PTPRD: variants seen among roughly 807,000 people sequenced by gnomAD.
PTPRD encodes protein tyrosine phosphatase receptor type D, also known as receptor-type tyrosine-protein phosphatase delta.
Under a neutral mutation model 214.5 loss-of-function variants are expected in PTPRD, and 34 were observed. The ratio of observed to expected loss-of-function variants is 0.16; its 90% CI spans 0.12 to 0.21. The LOEUF (loss-of-function observed/expected upper bound fraction) is 0.21, where lower values mean the gene tolerates loss of function less well. Among genes scored for constraint, PTPRD ranks in the 10% least tolerant of loss-of-function variants. The pLI is 1.00. For synonymous variants in PTPRD, 1,128 were observed against 845.7 expected (o/e 1.33, Z -5.79); for missense variants, 2,545 against 2,398.7 (o/e 1.06, Z -1.27).
At chr9:10,301,438 A>G (rs2095859256) in intron 3 of PTPRD, among the ~76,000 whole-genome samples, 1 of 152,224 alleles carries the variant, frequency 6.6e-6, no homozygotes, top group African/African-American at 2.4e-5. Flanking sequence ...TGACAGAAGT[A>G]AGCCTCAGAA....
At chr9:10,241,108 C>A (rs1190448779) in intron 3 of PTPRD, among the ~76,000 whole-genome samples, 2 of 151,622 alleles carry the variant, frequency 1.3e-5, no homozygotes, top group African/African-American at 4.8e-5. Flanking sequence ...TGCTCAACAT[C>A]ATTAACTATT....
At chr9:9,686,403 C>T (rs563871502) in intron 7 of PTPRD, among the ~76,000 whole-genome samples, 1 of 151,056 alleles carries the variant, frequency 6.6e-6, no homozygotes, top group African/African-American at 2.4e-5. Flanking sequence ...ATATATTTTC[C>T]AAGTCATTCT....
At chr9:8,644,167 T>G (rs1306468608) in intron 12 of PTPRD, among the ~76,000 whole-genome samples, 4 of 152,018 alleles carry the variant, frequency 2.6e-5, no homozygotes, top group Non-Finnish European at 4.4e-5. Flanking sequence ...AGAGAGGAGC[T>G]ACCCTCTCTG....
chr9:10,039,127 T>C (rs959973), intron 3 of PTPRD, among the ~76,000 whole-genome samples: 6,570 of 152,160 alleles, frequency 0.043, 513 homozygotes, highest in African/African-American at 0.15. Context: ...TCCCTATAAC[T>C]CAATTTCCTA....
intron 11 of PTPRD, among the ~76,000 whole-genome samples, chr9:8,829,292 C>G (rs1285609923): frequency 6.6e-6 from 1 of 152,176 alleles, no homozygotes; most frequent in Non-Finnish European, 1.5e-5. Context: ...TCACTCCCAG[C>G]TCCCTTCCAT....
intron 14 of PTPRD, among the ~76,000 whole-genome samples, chr9:8,529,923 A>G (rs1283452301): frequency 6.6e-6 from 1 of 152,164 alleles, no homozygotes; most frequent in African/African-American, 2.4e-5. Flanking sequence ...TTTTACTTCC[A>G]ATTGAGTCTG....
chr9:9,957,940 A>G (rs2094065964), intron 4 of PTPRD, among the ~76,000 whole-genome samples: 2 of 152,142 alleles, frequency 1.3e-5, no homozygotes, highest in Non-Finnish European at 2.9e-5. Context: ...CAGTCAACTG[A>G]TCTTTGACAA....
At chr9:9,696,664 C>T (rs1271334183) in intron 7 of PTPRD, among the ~76,000 whole-genome samples, 2 of 151,998 alleles carry the variant, frequency 1.3e-5, no homozygotes, top group Non-Finnish European at 2.9e-5. Flanking sequence ...ATCTTATTCC[C>T]TTTCTTCAAC....
chr9:8,576,341 C>A (rs1288308295), intron 14 of PTPRD, among the ~76,000 whole-genome samples: 1 of 152,046 alleles, frequency 6.6e-6, no homozygotes, highest in Non-Finnish European at 1.5e-5. Context: ...AGGCAGACTT[C>A]CAAATACAAT....
intron 4 of PTPRD, among the ~76,000 whole-genome samples, chr9:9,943,465 C>G (rs534859111): frequency 1.3e-5 from 2 of 152,186 alleles, no homozygotes; most frequent in South Asian, 4.2e-4. Flanking sequence ...GTGTAGTGTT[C>G]TAAGTATTTG....
chr9:9,965,457 CG>C (rs939374930), intron 4 of PTPRD, among the ~76,000 whole-genome samples: 1 of 151,992 alleles, frequency 6.6e-6, no homozygotes, highest in African/African-American at 2.4e-5. Context: ...GAGCACTTGT[CG>C]GGGACAGGAG....
chr9:9,668,264 C>T (rs1163787903), intron 7 of PTPRD, among the ~76,000 whole-genome samples: 1 of 152,078 alleles, frequency 6.6e-6, no homozygotes, highest in Non-Finnish European at 1.5e-5. Context: ...ATTGAATAAC[C>T]ATCTGGACCC....
intron 37 of PTPRD, among the ~76,000 whole-genome samples, chr9:8,380,349 C>T (rs73640904): frequency 0.041 from 6,186 of 152,022 alleles, 413 homozygotes; most frequent in African/African-American, 0.14. Context: ...TCTATGTGGG[C>T]CCCAATGTCT....
At chr9:10,486,915 G>A (rs2099136599) in intron 2 of PTPRD, among the ~76,000 whole-genome samples, 1 of 151,978 alleles carries the variant, frequency 6.6e-6, no homozygotes, top group African/African-American at 2.4e-5. Flanking sequence ...GAAATCTCCA[G>A]CTATTATTTT....
At chr9:8,973,983 G>T (rs2099253988) in intron 11 of PTPRD, among the ~76,000 whole-genome samples, 1 of 152,012 alleles carries the variant, frequency 6.6e-6, no homozygotes. Flanking sequence ...TTCATTGAAA[G>T]TATGTTCTCC....
intron 12 of PTPRD, among the ~76,000 whole-genome samples, chr9:8,707,689 G>A (rs992243125): frequency 1.3e-5 from 2 of 152,168 alleles, no homozygotes; most frequent in African/African-American, 4.8e-5. Context: ...TATATTGGGT[G>A]TTCCTCACAG....
At chr9:9,795,165 A>G (rs536834179) in intron 5 of PTPRD, among the ~76,000 whole-genome samples, 14 of 152,310 alleles carry the variant, frequency 9.2e-5, no homozygotes, top group Admixed American at 3.9e-4. Flanking sequence ...TTGTCTTCCA[A>G]TCTGTCACAC....
Position 8,504,282 on chromosome 9 carries a change from A to T in PTPRD, c.1801T>A (p.Ser601Thr), listed in dbSNP as rs754414121. ...QGLGASTAEI[S>T]ARTMQSKPSA... ...CTACTTGACTGCATGGTTCTAGCTG[A>T]TATTTCTGCAGTAGAAGCACCCAGG... The change falls in exon 23 of 46, where the codon TCA becomes ACA. Residue 601 changes from serine (S) to threonine (T), a missense_variant. Physicochemically the swap from Ser to Thr is moderately conservative, Grantham distance 58. Coordinates refer to ENST00000381196, the MANE Select transcript of PTPRD (RefSeq NM_002839.4). 8 of 1,614,200 alleles carry T rather than the reference A, an allele frequency of 5.0e-6. No individual in the cohort carries two copies. The highest frequency in any genetic ancestry group is 6.8e-6 in the Non-Finnish European group (8 of 1,180,004).
chr9:9,441,662 T>C (rs1167120526), intron 8 of PTPRD, among the ~76,000 whole-genome samples: 1 of 152,030 alleles, frequency 6.6e-6, no homozygotes, highest in African/African-American at 2.4e-5. Flanking sequence ...AAATTCTGAA[T>C]CAATGAGGCC....
Sources: allele counts gnomAD v4.1 joint callset (sites outside exome capture counted in the v4.1 genomes callset), GRCh38; gene constraint gnomAD v4.1.1; transcripts MANE v1.5; gene names NCBI Gene and HGNC (gene_info 2026-07-23, HGNC 2026-07-21).